TMEM232: variants seen among roughly 807,000 people sequenced by gnomAD.
The protein encoded by TMEM232 is transmembrane protein 232.
A neutral mutation model predicts 78.8 loss-of-function variants in TMEM232; 80 were observed. The ratio of observed to expected loss-of-function variants is 1.01; its 90% CI spans 0.85 to 1.22. The LOEUF is 1.22. Ranked by LOEUF, TMEM232 falls within the 50% of genes most tolerant of loss-of-function variation. The pLI is 0.00. For missense variants in TMEM232, 881 were observed against 742.2 expected (o/e 1.19, Z -2.17); for synonymous variants, 297 against 254.3 (o/e 1.17, Z -1.60).
intron 1 of TMEM232, among the ~76,000 whole-genome samples, chr5:110,709,823 G>A (rs998395521): frequency 2.0e-5 from 3 of 151,982 alleles, no homozygotes; most frequent in East Asian, 1.9e-4. Flanking sequence ...GCATCTTAAA[G>A]AACTAGAAAA....
rs576725327 is a variant in TMEM232, at chr5:110,628,250, A to G, written c.502-370T>C. Among the ~76,000 whole-genome samples, 16 of 152,210 alleles carry G rather than the reference A, an allele frequency of 1.1e-4. No homozygotes were observed. In the South Asian group the frequency reaches 2.9e-3, roughly 28 times the overall value. On this transcript the variant is annotated intron_variant, in intron 5 of 13. Coordinates refer to ENST00000455884, the MANE Select transcript of TMEM232 (RefSeq NM_001039763.4). The stretch of plus-strand genomic sequence containing the variant: ...GAGAAGAAAAAATATATTTTACTGT[A>G]CAATTCCTTGTTTCAGTATATAAAT...
intron 12 of TMEM232, among the ~76,000 whole-genome samples, chr5:110,524,369 AAG>A (rs1491163455): frequency 9.4e-5 from 5 of 53,420 alleles, no homozygotes; most frequent in Admixed American, 3.9e-4. Flanking sequence ...GAAAAAAAGA[AAG>A]AAAGAAAGAA....
At chr5:110,693,981 C>A (rs893726245) in intron 1 of TMEM232, among the ~76,000 whole-genome samples, 1 of 152,046 alleles carries the variant, frequency 6.6e-6, no homozygotes, top group Non-Finnish European at 1.5e-5. Flanking sequence ...TCGAGAAGAG[C>A]AACTCCAAGA....
At chr5:110,721,108 A>T (rs1797553834) in intron 1 of TMEM232, among the ~76,000 whole-genome samples, 1 of 152,130 alleles carries the variant, frequency 6.6e-6, no homozygotes, top group South Asian at 2.1e-4. Flanking sequence ...TTCCCGGTAA[A>T]GTTATAAGAC....
intron 12 of TMEM232, among the ~76,000 whole-genome samples, chr5:110,454,478 T>C (rs747961330): frequency 9.3e-5 from 14 of 150,724 alleles, no homozygotes; most frequent in Middle Eastern, 3.4e-3. Flanking sequence ...CTGGGCAACA[T>C]AGCAAGACTC....
At chr5:110,734,425 A>T (rs2150386918) in intron 2 of TMEM232, among the ~76,000 whole-genome samples, 1 of 152,094 alleles carries the variant, frequency 6.6e-6, no homozygotes, top group South Asian at 2.1e-4. Flanking sequence ...CAAGGATATC[A>T]CTCTACCAAC....
chr5:110,699,595 G>A (rs1275814737), intron 1 of TMEM232, among the ~76,000 whole-genome samples: 1 of 151,936 alleles, frequency 6.6e-6, no homozygotes, highest in Non-Finnish European at 1.5e-5. Flanking sequence ...TTTACAAAGG[G>A]GAATGATAAA....
chr5:110,629,889 A>G (rs1183131132), intron 5 of TMEM232, among the ~76,000 whole-genome samples: 5 of 152,228 alleles, frequency 3.3e-5, no homozygotes, highest in Non-Finnish European at 7.3e-5. Context: ...GATTGAAAGG[A>G]AAGAATGTAA....
intron 10 of TMEM232, among the ~76,000 whole-genome samples, chr5:110,587,847 C>T (rs923347219): frequency 6.6e-6 from 1 of 150,576 alleles, no homozygotes; most frequent in African/African-American, 2.4e-5. Context: ...TGGTTAACTT[C>T]TGTATATGTA....
At chr5:110,705,229 A>C (rs1473675221) in intron 1 of TMEM232, among the ~76,000 whole-genome samples, 1 of 152,116 alleles carries the variant, frequency 6.6e-6, no homozygotes, top group Non-Finnish European at 1.5e-5. Context: ...ATGTCTTATC[A>C]ACAACCCAAA....
At chr5:110,405,097 G>A (rs1348743715) in intron 2 of TMEM232, among the ~76,000 whole-genome samples, 1 of 151,990 alleles carries the variant, frequency 6.6e-6, no homozygotes, top group Non-Finnish European at 1.5e-5. Flanking sequence ...GAATCCAAAG[G>A]TGAACTAAAA....
At chr5:110,725,956 C>T (rs2150362382) in intron 1 of TMEM232, 1 of 152,144 alleles carries the variant, frequency 6.6e-6, no homozygotes, top group Admixed American at 6.5e-5. Context: ...TTCAGACATA[C>T]TGTTAAGATG....
Position 110,423,294 on chromosome 5 carries a change from G to GTAAC in TMEM232, c.1797+1525_1797+1528dup, listed in dbSNP as rs1756871675. Among the ~76,000 whole-genome samples the GTAAC allele has an allele frequency of 3.9e-5, 6 of 152,260 alleles. No homozygotes were observed. In the South Asian group the frequency reaches 1.2e-3, roughly 32 times the overall value. On this transcript the variant is annotated intron_variant, in intron 13 of 13. Coordinates refer to ENST00000455884, the MANE Select transcript of TMEM232 (RefSeq NM_001039763.4). ...CTCATTTACTTAAAACATTGAGCAA[G>GTAAC]TAACTGAATTGTAAGCAAGTTTGTT...
intron 1 of TMEM232, among the ~76,000 whole-genome samples, chr5:110,677,448 A>G (rs1452452750): frequency 6.6e-6 from 1 of 152,190 alleles, no homozygotes; most frequent in Non-Finnish European, 1.5e-5. Flanking sequence ...TAAACCTCTA[A>G]GTTGTTGTAA....
At chr5:110,553,506 C>G (rs1774710596) in intron 11 of TMEM232, among the ~76,000 whole-genome samples, 1 of 151,796 alleles carries the variant, frequency 6.6e-6, no homozygotes, top group African/African-American at 2.4e-5. Context: ...GGTATTGCAT[C>G]CTCATTTGTC....
At chr5:110,710,715 T>C (rs1396676940) in intron 1 of TMEM232, among the ~76,000 whole-genome samples, 1 of 151,598 alleles carries the variant, frequency 6.6e-6, no homozygotes, top group Non-Finnish European at 1.5e-5. Flanking sequence ...TCAACATCCC[T>C]TCATGATAAA....
chr5:110,641,008 A>G lies in TMEM232; in HGVS notation c.238-12T>C, dbSNP rs1192175279. ...AGACCCAATTTTCTCTGTTATGAGG[A>G]AGCATGAAAAAGACAAATCAAAATG... is the stretch of plus-strand genomic sequence containing the variant. On this transcript the variant is annotated splice_polypyrimidine_tract_variant and intron_variant, in intron 3 of 13. Coordinates refer to ENST00000455884, the MANE Select transcript of TMEM232 (RefSeq NM_001039763.4). The G allele has an allele frequency of 4.2e-5, 61 of 1,466,874 alleles. No homozygotes were observed. The highest frequency in any genetic ancestry group is 5.4e-5 in the Non-Finnish European group (59 of 1,097,936). The allele number at this position is 1,466,874 out of a possible 1,614,324, so 90.9% of individuals were successfully genotyped here.
chr5:110,494,020 G>T (rs897926906), intron 12 of TMEM232, among the ~76,000 whole-genome samples: 3 of 151,878 alleles, frequency 2.0e-5, no homozygotes, highest in Non-Finnish European at 2.9e-5. Context: ...ATGCGGTGTT[G>T]GTTTTCTGTT....
chr5:110,524,371 G>GAGAAAGAAAGAAAGAAAA, intron 12 of TMEM232, among the ~76,000 whole-genome samples: 1 of 47,142 alleles, frequency 2.1e-5, no homozygotes, highest in African/African-American at 6.5e-5. Flanking sequence ...AAAAAAGAAA[G>GAGAAAGAAAGAAAGAAAA]AAAGAAAGAA....
Sources: allele counts gnomAD v4.1 joint callset (sites outside exome capture counted in the v4.1 genomes callset), GRCh38; gene constraint gnomAD v4.1.1; transcripts MANE v1.5; gene names NCBI Gene and HGNC (gene_info 2026-07-23, HGNC 2026-07-21).